The following CTNNA3 variants were observed in gnomAD, a reference collection of about 807,000 sequenced individuals.
CTNNA3 encodes the protein catenin alpha-3.
CTNNA3 carries 76 observed loss-of-function variants against 95.7 expected under a neutral mutation model. The observed-to-expected ratio is 0.79, with a 90% confidence interval of 0.66 to 0.96. CTNNA3 has a LOEUF of 0.96. Ranked by LOEUF, CTNNA3 falls within the 40% of genes least tolerant of loss-of-function variation. The pLI is 0.00. For synonymous variants in CTNNA3, 431 were observed against 374.4 expected, an observed-to-expected ratio of 1.15 and a Z score of -1.74; for missense variants, 1,191 against 1,089.8, an observed-to-expected ratio of 1.09 and a Z score of -1.31.
chr10:66,636,557 T>C (rs1845345207), intron 9 of CTNNA3, among the ~76,000 whole-genome samples: 1 of 152,154 alleles, frequency 6.6e-6, no homozygotes, highest in African/African-American at 2.4e-5. Flanking sequence ...AATTGTGAAA[T>C]CCTTGAAGAC....
At chr10:65,965,445 C>T (rs1283562896) in intron 17 of CTNNA3, among the ~76,000 whole-genome samples, 3 of 134,756 alleles carry the variant, frequency 2.2e-5, no homozygotes, top group Non-Finnish European at 4.6e-5. Context: ...TGCATTGTCG[C>T]CCAGGCTGGA....
chr10:66,742,838 T>C (rs187792157), intron 9 of CTNNA3, among the ~76,000 whole-genome samples: 1 of 152,260 alleles, frequency 6.6e-6, no homozygotes, highest in Non-Finnish European at 1.5e-5. Context: ...TACCTGCTCA[T>C]GAGTCAGTAT....
At chr10:66,120,281 A>G (rs2082522899) in intron 13 of CTNNA3, among the ~76,000 whole-genome samples, 1 of 152,210 alleles carries the variant, frequency 6.6e-6, no homozygotes, top group African/African-American at 2.4e-5. Flanking sequence ...TGTTGTGAGG[A>G]ATATATGACA....
chr10:66,574,786 C>T (rs555931819), intron 10 of CTNNA3, among the ~76,000 whole-genome samples: 4 of 152,150 alleles, frequency 2.6e-5, no homozygotes, highest in Admixed American at 1.3e-4. Context: ...AGAAATGCAC[C>T]GTATGGGCGC....
chr10:66,021,343 A>T (rs1388795256), intron 15 of CTNNA3, among the ~76,000 whole-genome samples: 1 of 152,126 alleles, frequency 6.6e-6, no homozygotes, highest in African/African-American at 2.4e-5. Context: ...CCACATCCTC[A>T]TGTCTTATAG....
chr10:66,447,355 C>T (rs574259971), intron 11 of CTNNA3, among the ~76,000 whole-genome samples: 67 of 145,428 alleles, frequency 4.6e-4, no homozygotes, highest in Middle Eastern at 3.5e-3. Context: ...AAAAAAGAGC[C>T]CGCATCGCCA....
chr10:66,363,831 C>T (rs1490648662), intron 12 of CTNNA3, among the ~76,000 whole-genome samples: 3 of 152,180 alleles, frequency 2.0e-5, no homozygotes, highest in Admixed American at 2.0e-4. Flanking sequence ...ATAATAACAA[C>T]AATAATGTTA....
At chr10:67,361,320 A>G (rs563662613) in intron 5 of CTNNA3, among the ~76,000 whole-genome samples, 1 of 152,286 alleles carries the variant, frequency 6.6e-6, no homozygotes, top group Non-Finnish European at 1.5e-5. Flanking sequence ...ACCACAGAAT[A>G]TACATTCTTC....
At chr10:66,094,554 A>G (rs1469501447) in intron 14 of CTNNA3, among the ~76,000 whole-genome samples, 1 of 152,104 alleles carries the variant, frequency 6.6e-6, no homozygotes, top group African/African-American at 2.4e-5. Flanking sequence ...AGGGACCAAG[A>G]TGGCATGAAT....
At chr10:66,716,911 G>A (rs1167676029) in intron 9 of CTNNA3, among the ~76,000 whole-genome samples, 1 of 152,100 alleles carries the variant, frequency 6.6e-6, no homozygotes, top group Non-Finnish European at 1.5e-5. Flanking sequence ...ATGTTTCTGT[G>A]AAGGTATTTT....
chr10:66,312,097 A>C (rs1359467948), intron 12 of CTNNA3, among the ~76,000 whole-genome samples: 1 of 152,146 alleles, frequency 6.6e-6, no homozygotes, highest in Non-Finnish European at 1.5e-5. Context: ...TATTTTAGTA[A>C]TTGTTATAAT....
At chr10:67,229,280 T>G (rs918734817) in intron 5 of CTNNA3, among the ~76,000 whole-genome samples, 15 of 152,090 alleles carry the variant, frequency 9.9e-5, no homozygotes, top group Admixed American at 2.0e-4. Flanking sequence ...CATTTATAAT[T>G]AAAATATCAG....
chr10:67,224,937 A>C (rs1864825838), intron 5 of CTNNA3, among the ~76,000 whole-genome samples: 1 of 152,166 alleles, frequency 6.6e-6, no homozygotes, highest in African/African-American at 2.4e-5. Flanking sequence ...GGGAAGAACC[A>C]GGCCGTTTTC....
intron 15 of CTNNA3, among the ~76,000 whole-genome samples, chr10:65,994,582 C>T (rs986335265): frequency 1.5e-4 from 23 of 152,180 alleles, no homozygotes; most frequent in African/African-American, 5.3e-4. Flanking sequence ...CTTTAGAAAT[C>T]CTTTCTTTGT....
chr10:67,209,269 G>A (rs1864037726), intron 6 of CTNNA3, among the ~76,000 whole-genome samples: 3 of 152,010 alleles, frequency 2.0e-5, no homozygotes, highest in South Asian at 4.1e-4. Flanking sequence ...GGCTGGTCTC[G>A]ACCTCCTAAC....
intron 7 of CTNNA3, among the ~76,000 whole-genome samples, chr10:66,952,579 C>G (rs1465119820): frequency 6.6e-6 from 1 of 152,014 alleles, no homozygotes; most frequent in Non-Finnish European, 1.5e-5. Flanking sequence ...GCATGTGCAT[C>G]ATGATGATGT....
At chr10:65,939,563 T>G (rs1355431091) in intron 17 of CTNNA3, among the ~76,000 whole-genome samples, 1 of 152,160 alleles carries the variant, frequency 6.6e-6, no homozygotes, top group Non-Finnish European at 1.5e-5. Context: ...CATTCCTATA[T>G]TAATATTTTC....
chr10:65,996,794 G>T (rs1194599677), intron 15 of CTNNA3, among the ~76,000 whole-genome samples: 1 of 152,170 alleles, frequency 6.6e-6, no homozygotes, highest in Non-Finnish European at 1.5e-5. Context: ...GACCAAGCTG[G>T]CAGCTTTACT....
intron 11 of CTNNA3, among the ~76,000 whole-genome samples, chr10:66,454,239 A>G (rs2093481926): frequency 6.6e-6 from 1 of 152,212 alleles, no homozygotes. Context: ...CAGAACTGTA[A>G]GATAATAAAT....
Sources: allele counts gnomAD v4.1 joint callset (sites outside exome capture counted in the v4.1 genomes callset), GRCh38; gene constraint gnomAD v4.1.1; transcripts MANE v1.5; gene names NCBI Gene and HGNC (gene_info 2026-07-23, HGNC 2026-07-21).